TNXB: variants seen among roughly 807,000 people sequenced by gnomAD.
The protein encoded by TNXB is tenascin XB, also known as tenascin-X.
Under a neutral mutation model 340.5 loss-of-function variants are expected in TNXB, and 183 were observed. That is an observed-to-expected ratio of 0.54 (90% CI 0.48 to 0.61). TNXB has a LOEUF of 0.61. Among genes scored for constraint, TNXB ranks in the 20% least tolerant of loss-of-function variants. The probability of loss-of-function intolerance (pLI) is 0.00; values close to 1 mark genes in which losing one functional copy is unlikely to be tolerated. For missense variants in TNXB, 4,613 were observed against 5,446.4 expected, an observed-to-expected ratio of 0.85 and a Z score of 4.82; for synonymous variants, 2,121 against 2,314.5, an observed-to-expected ratio of 0.92 and a Z score of 2.40.
intron 26 of TNXB, among the ~76,000 whole-genome samples, chr6:32,050,895 T>A (rs1397586070): frequency 6.6e-6 from 1 of 151,976 alleles, no homozygotes; most frequent in Non-Finnish European, 1.5e-5. Flanking sequence ...TGCCACCCCA[T>A]CCCCATCTTT....
At chr6:32,043,384 C>T in intron 36 of TNXB, 53 bp downstream of exon 36, 1 of 452,410 alleles carries the variant, frequency 2.2e-6, no homozygotes, top group East Asian at 3.3e-5. Flanking sequence ...CAGCCTCCCC[C>T]CTGCAATCCC....
Position 32,050,071 on chromosome 6 carries a change from A to G in TNXB, c.9366T>C (p.His3122=), listed in dbSNP as rs916138. The G allele has an allele frequency of 6.8e-6, 11 of 1,613,550 alleles. No homozygotes were observed. The highest frequency in any genetic ancestry group is 3.3e-5 in the South Asian group (3 of 91,082). Residue 3122 remains histidine (H), a synonymous_variant, in exon 27 of 44, where the codon CAT becomes CAC. Coordinates refer to ENST00000644971, the MANE Select transcript of TNXB (RefSeq NM_001365276.2). ...GVTISGLEPD[H]KYKMNLYGFH... ...AGCCGTACAGGTTCATCTTGTATTT[A>G]TGGTCTGGCTCCAGGCCTGAGATGG...
Position 32,061,011 on chromosome 6 carries a change from A to G in TNXB, c.7492+386T>C, listed in dbSNP as rs1175488701. Among the ~76,000 whole-genome samples the G allele has an allele frequency of 6.6e-6, 1 of 151,934 alleles. No homozygotes were observed. Among genetic ancestry groups the G allele is most frequent in the African/African-American group, 2.4e-5 (1 of 41,176 alleles). ...TAAAACATTTCAGTGGCGGCATAAT[A>G]GCTCTTTTTATAGATGTTGCCTAAA... On this transcript the variant is annotated intron_variant, in intron 21 of 43. Transcript: ENST00000644971. The surrounding 1 kb of genome is among the most constrained non-coding windows in gnomAD (Gnocchi z 4.4).
At position 32,050,426 on chromosome 6, in the gene TNXB, C is replaced by A. The variant is rs561089086; in HGVS notation, c.9116-105G>T. The A allele has an allele frequency of 2.3e-4, 321 of 1,403,220 alleles. No homozygotes were observed. The African/African-American group carries it at 3.8e-3, about 16-fold the overall frequency. 86.9% of individuals were successfully genotyped at this position (1,403,220 alleles called of 1,614,324 possible). On this transcript the variant is annotated intron_variant, in intron 26 of 43. Transcript: ENST00000644971. Reference sequence around the variant, plus strand: ...TGCCCAAGAACAGGACGATGCTGCCCACAGCGCCTCCAGCACAGCTCTTCA... The same window carrying A: ...TGCCCAAGAACAGGACGATGCTGCCAACAGCGCCTCCAGCACAGCTCTTCA...
rs1262716758 is a variant in TNXB at position 32,070,686 on chromosome 6, G to A, written c.4991-272C>T. ...TCCCCTTTCTGTCCAGCCTCTTTCC[G>A]CCTCTCACAGACTGCTTCCCCAGCA... On this transcript the variant is annotated intron_variant, in intron 13 of 43. Coordinates refer to ENST00000644971, the MANE Select transcript of TNXB (RefSeq NM_001365276.2). The surrounding 1 kb of genome is among the most constrained non-coding windows in gnomAD (Gnocchi z 6.0). Among the ~76,000 whole-genome samples the A allele has an allele frequency of 6.6e-6, 1 of 152,058 alleles. No homozygotes were observed. Among genetic ancestry groups the A allele is most frequent in the Non-Finnish European group, 1.5e-5 (1 of 68,020 alleles).
chr6:32,047,631 T>C lies in TNXB; in HGVS notation c.10324+103A>G. The C allele has an allele frequency of 7.4e-7, 1 of 1,358,974 alleles. No individual in the cohort carries two copies. Among genetic ancestry groups the C allele is most frequent in the Non-Finnish European group, 9.8e-7 (1 of 1,019,278 alleles). The allele number at this position is 1,358,974 out of a possible 1,614,324, so 84.2% of individuals were successfully genotyped here. ...CACTTTCGGAGTTAAGATGGTTGTG[T>C]CAGGGCTGATAGAGGGAATCTCACG... On this transcript the variant is annotated intron_variant, in intron 30 of 43. Coordinates refer to ENST00000644971, the MANE Select transcript of TNXB (RefSeq NM_001365276.2). The surrounding 1 kb of genome is among the most constrained non-coding windows in gnomAD (Gnocchi z 6.2).
rs1430927368 is a variant in TNXB, at chr6:32,047,733, C to T, written c.10324+1G>A. ...AAGGTGGAGGCTGGACTGGGACTCACCTGTGGTGCTGTCAGCAGAGATGGG... is the reference window on the plus strand; with the variant it reads ...AAGGTGGAGGCTGGACTGGGACTCATCTGTGGTGCTGTCAGCAGAGATGGG... On this transcript the variant is annotated splice_donor_variant, in intron 30 of 43. Transcript: ENST00000644971. LOFTEE classifies it high-confidence loss of function. The surrounding 1 kb of genome is among the most constrained non-coding windows in gnomAD (Gnocchi z 6.2). 1.3e-6 allele frequency: 2 copies of T among 1,594,572 alleles called. No individual in the cohort carries two copies. Among genetic ancestry groups the T allele is most frequent in the Non-Finnish European group, 1.7e-6 (2 of 1,169,556 alleles).
rs28892603 is a variant in TNXB, at chr6:32,100,107, C to CT, written c.-8-1902dup. On this transcript the variant is annotated intron_variant, in intron 1 of 43. Transcript: ENST00000644971. ...TCTGACCTTGGAGTAAGCAAGATTT[C>CT]TTTTTTTTTTTTTTTAAGACTGAGT... Among the ~76,000 whole-genome samples, 635 of 141,274 alleles carry CT rather than the reference C, an allele frequency of 4.5e-3. 3 individuals are homozygous for CT. Among genetic ancestry groups the CT allele is most frequent in the African/African-American group, 0.011 (426 of 38,566 alleles). 92.7% of individuals were successfully genotyped at this position (141,274 alleles called of 152,430 possible). A position where few individuals can be genotyped will look rare whatever the true frequency, so the allele number is the denominator to read the frequency against.
rs1479002655 is a variant in TNXB at position 32,049,167 on chromosome 6, A to G, written c.9757+103T>C. 5 of 1,419,158 alleles carry G rather than the reference A, an allele frequency of 3.5e-6. No individual in the cohort carries two copies. Among genetic ancestry groups the G allele is most frequent in the Admixed American group, 2.7e-5 (1 of 37,684 alleles). 87.9% of individuals were successfully genotyped at this position (1,419,158 alleles called of 1,614,324 possible). On this transcript the variant is annotated intron_variant, in intron 28 of 43. Transcript: ENST00000644971. The surrounding 1 kb of genome is among the most constrained non-coding windows in gnomAD (Gnocchi z 4.5). ...TCATTAGCAACATGGGAGAAAAGAC[A>G]GAAACCTAGAGGCCCAGTCAAAAGA...
At position 32,075,895 on chromosome 6, in the gene TNXB, C is replaced by T. The variant is rs957093897; in HGVS notation, c.4376-1943G>A. On this transcript the variant is annotated intron_variant, in intron 11 of 43. Coordinates refer to ENST00000644971, the MANE Select transcript of TNXB (RefSeq NM_001365276.2). The surrounding 1 kb of genome is among the most constrained non-coding windows in gnomAD (Gnocchi z 4.6). ...TCCCAAGAACTTGTTTCTCTGGCTTCCTCCGGAGGGCAAGACAAGGCTCCA... is the reference window on the plus strand; with the variant it reads ...TCCCAAGAACTTGTTTCTCTGGCTTTCTCCGGAGGGCAAGACAAGGCTCCA... Among the ~76,000 whole-genome samples the T allele has an allele frequency of 6.6e-6, 1 of 152,180 alleles. No homozygotes were observed. The highest frequency in any genetic ancestry group is 2.4e-5 in the African/African-American group (1 of 41,440).
In TNXB at chr6:32,070,902, G is replaced by A. The variant is rs148881761; in HGVS notation, c.4991-488C>T. 2.4e-3 allele frequency among the ~76,000 whole-genome samples: 370 copies of A among 152,298 alleles called. 1 individual carries two copies. The highest frequency in any genetic ancestry group is 7.5e-3 in the Admixed American group (114 of 15,298). On this transcript the variant is annotated intron_variant, in intron 13 of 43. Coordinates refer to ENST00000644971, the MANE Select transcript of TNXB (RefSeq NM_001365276.2). This position sits in a 1 kb window ranked among gnomAD's most constrained non-coding sequence, Gnocchi z 6.0. ...ACACAGGTAGTTCTCACCCTTCTCC[G>A]TTCCCTTTCTTATTCTGCACCGGCT... is the stretch of plus-strand genomic sequence containing the variant.
chr6:32,079,133 G>T lies in TNXB; in HGVS notation c.4275C>A (p.Val1425=). 2 of 1,613,860 alleles carry T rather than the reference G, an allele frequency of 1.2e-6. No individual in the cohort carries two copies. Among genetic ancestry groups the T allele is most frequent in the East Asian group, 4.5e-5 (2 of 44,888 alleles). ...AVRVGGKESE[V]TVGGLEPGHK... ...GCCCGGGCTCTAGGCCTCCCACGGTGACCTCACTCTCCTTGCCCCCAACAC... is the reference window on the plus strand; with the variant it reads ...GCCCGGGCTCTAGGCCTCCCACGGTTACCTCACTCTCCTTGCCCCCAACAC... Residue 1425 remains valine, a synonymous_variant, in exon 11 of 44, where the codon GTC becomes GTA. Transcript: ENST00000644971. This position sits in a 1 kb window ranked among gnomAD's most constrained non-coding sequence, Gnocchi z 7.1.
In TNXB at chr6:32,096,397, C is replaced by T. The variant is rs1280968762; in HGVS notation, c.1456G>A (p.Gly486Arg). ...CESGRCMCWPGYTGRDCGTRA... is the reference protein window; with the variant it reads ...CESGRCMCWPRYTGRDCGTRA... ...GTGCCGCAGTCCCGGCCTGTGTACC[C>T]CGGCCAACACATGCAGCGGCCACTC... The change falls in exon 3 of 44, where the codon GGG becomes AGG. Residue 486 changes from glycine (G) to arginine (R), a missense_variant. Physicochemically the swap from Gly to Arg is moderately radical, Grantham distance 125. This residue lies in a region of TNXB where 4,327 missense variants were observed against 4,859.4 expected (regional missense o/e 0.89). Transcript: ENST00000644971. 1 of 1,577,758 alleles carries T rather than the reference C, an allele frequency of 6.3e-7. No individual in the cohort carries two copies. Among genetic ancestry groups the T allele is most frequent in the African/African-American group, 1.3e-5 (1 of 74,376 alleles).
In TNXB at chr6:32,056,592, C is replaced by T. The variant is rs536428325; in HGVS notation, c.8137G>A (p.Val2713Met). 6.2e-7 allele frequency: 1 copy of T among 1,612,994 alleles called. No individual in the cohort carries two copies. The highest frequency in any genetic ancestry group is 8.5e-7 in the Non-Finnish European group (1 of 1,179,844). The stretch of plus-strand genomic sequence containing the variant: ...GCTGCCATCATCCACTCACCCGTCA[C>T]CCCAATGACAGAGATGGGGCCCACG... ...QRVGPISVIG[V>M]TAAEEETPSP... Residue 2713 changes from valine to methionine, a missense_variant, in exon 23 of 44, where the codon GTG becomes ATG. Physicochemically the swap from Val to Met is conservative, Grantham distance 21. Around this residue, in one of 7 missense-constraint regions of TNXB, gnomAD observed 4,327 missense variants for 4,859.4 expected, o/e 0.89. Coordinates refer to ENST00000644971, the MANE Select transcript of TNXB (RefSeq NM_001365276.2).
At chr6:32,107,395 A>C (rs1437264945) in intron 1 of TNXB, among the ~76,000 whole-genome samples, 1 of 151,670 alleles carries the variant, frequency 6.6e-6, no homozygotes, top group Non-Finnish European at 1.5e-5. Context: ...CTCCTTCCCA[A>C]TCTCCCTCCC....
At position 32,082,859 on chromosome 6, in the gene TNXB, C is replaced by T. The variant is rs1779556460; in HGVS notation, c.3446-533G>A. ...GGACTCCCTCGCCTGCAGCACTGAC[C>T]CTTCACTCCCCAGCAGCTGTGCCAT... On this transcript the variant is annotated intron_variant, in intron 8 of 43. Coordinates refer to ENST00000644971, the MANE Select transcript of TNXB (RefSeq NM_001365276.2). The surrounding 1 kb of genome is among the most constrained non-coding windows in gnomAD (Gnocchi z 5.0). 6.6e-6 allele frequency among the ~76,000 whole-genome samples: 1 copy of T among 152,166 alleles called. No homozygotes were observed. The highest frequency in any genetic ancestry group is 1.5e-5 in the Non-Finnish European group (1 of 68,030).
chr6:32,048,582 C>T lies in TNXB; in HGVS notation c.9826G>A (p.Asp3276Asn), dbSNP rs1253687031. 1 of 1,544,924 alleles carries T rather than the reference C, an allele frequency of 6.5e-7. No homozygotes were observed. Among genetic ancestry groups the T allele is most frequent in the Non-Finnish European group, 8.8e-7 (1 of 1,141,996 alleles). ...GELAVAAVTS[D>N]SVGLSWTVAQ... ...ACCGTCCATGAGAGGCCCACTGAGT[C>T]CGAGGTCACGGCCGCCACCGCCAGC... The change falls in exon 29 of 44, where the codon GAC becomes AAC. Residue 3276 changes from aspartate to asparagine, a missense_variant. Physicochemically the swap from Asp to Asn is conservative, Grantham distance 23. This residue lies in a region of TNXB where 4,327 missense variants were observed against 4,859.4 expected (regional missense o/e 0.89). Transcript: ENST00000644971.
intron 1 of TNXB, among the ~76,000 whole-genome samples, chr6:32,104,743 C>T (rs1780894876): frequency 6.6e-6 from 1 of 152,066 alleles, no homozygotes; most frequent in South Asian, 2.1e-4. Flanking sequence ...TCAAGCAATC[C>T]TCCCACCTCA....
In TNXB at chr6:32,098,103, C is replaced by T. The variant is rs1048106456; in HGVS notation, c.96G>A (p.Val32=). 5.6e-6 allele frequency: 9 copies of T among 1,602,426 alleles called. No individual in the cohort carries two copies. The Admixed American group carries it at 1.2e-4, about 21-fold the overall frequency. ...RAGPFSSRSN[V]TLPAPRPPPQ... ...GAGGGGGCCGGGGGGCTGGCAGTGT[C>T]ACATTGGACCGTGAAGAGAAGGGGC... Residue 32 remains valine (V), a synonymous_variant, in exon 2 of 44, where the codon GTG becomes GTA. Coordinates refer to ENST00000644971, the MANE Select transcript of TNXB (RefSeq NM_001365276.2).
Sources: allele counts gnomAD v4.1 joint callset (sites outside exome capture counted in the v4.1 genomes callset), GRCh38; gene constraint gnomAD v4.1.1; regional missense constraint gnomAD v4.1.1; non-coding constraint Gnocchi (gnomAD v3.1); transcripts MANE v1.5; gene names NCBI Gene and HGNC (gene_info 2026-07-23, HGNC 2026-07-21).